FOXP1: variants seen among roughly 807,000 people sequenced by gnomAD.
FOXP1 encodes the protein forkhead box P1.
In FOXP1, 15 loss-of-function variants were observed where a neutral mutation model predicts 98.2. That is an observed-to-expected ratio of 0.15 (90% confidence interval 0.10 to 0.24). FOXP1 has a LOEUF of 0.24. FOXP1 is among the 10% of genes least tolerant of loss of function. The pLI is 1.00. For missense variants in FOXP1, 633 were observed against 848.5 expected, an observed-to-expected ratio of 0.75 and a Z score of 3.15; for synonymous variants, 371 against 314.5, an observed-to-expected ratio of 1.18 and a Z score of -1.90.
At chr3:71,019,572 G>C (rs928580113) in intron 11 of FOXP1, among the ~76,000 whole-genome samples, 1 of 152,158 alleles carries the variant, frequency 6.6e-6, no homozygotes, top group African/African-American at 2.4e-5. Flanking sequence ...GCTCACGCCT[G>C]TAATTCCAGC....
rs2076144820 is a variant in FOXP1 at position 71,329,328 on chromosome 3, T to G, written c.-72-29448A>C. Among the ~76,000 whole-genome samples, 3 of 152,020 alleles carry G rather than the reference T, an allele frequency of 2.0e-5. No homozygotes were observed. In the South Asian group the frequency reaches 6.2e-4, roughly 32 times the overall value. ...GCTCCGCCTCCTGGGTTCACACCAT[T>G]CTCCTGCCTCAGCCTTCCGAGTAGC... On this transcript the variant is annotated intron_variant, in intron 4 of 20. Transcript: ENST00000649528.
chr3:71,382,811 GA>G (rs2080278915), intron 3 of FOXP1, among the ~76,000 whole-genome samples: 1 of 152,232 alleles, frequency 6.6e-6, no homozygotes, highest in South Asian at 2.1e-4. Context: ...TTTAAATACT[GA>G]AAAACACCAG....
chr3:71,206,060 TAA>T (rs1336471931), intron 5 of FOXP1, among the ~76,000 whole-genome samples: 1 of 152,230 alleles, frequency 6.6e-6, no homozygotes, highest in Non-Finnish European at 1.5e-5. Flanking sequence ...ATTTGTTTAA[TAA>T]GAATAATAAA....
chr3:70,962,954 C>T (rs530137211), intron 20 of FOXP1, among the ~76,000 whole-genome samples: 15 of 152,284 alleles, frequency 9.9e-5, no homozygotes, highest in African/African-American at 2.4e-4. Flanking sequence ...GAGAATATTT[C>T]GTTTACCTAA....
intron 5 of FOXP1, among the ~76,000 whole-genome samples, chr3:71,200,215 T>G (rs1219652772): frequency 6.6e-6 from 1 of 151,772 alleles, no homozygotes; most frequent in Non-Finnish European, 1.5e-5. Context: ...TCAGAAAAGA[T>G]GTTCAAAGAT....
intron 2 of FOXP1, among the ~76,000 whole-genome samples, chr3:71,524,911 C>G (rs1400402749): frequency 6.6e-6 from 1 of 152,168 alleles, no homozygotes; most frequent in Non-Finnish European, 1.5e-5. Flanking sequence ...GTGCGGCCCA[C>G]TTGGGAGCAA....
chr3:71,460,681 T>G (rs2087994368), intron 3 of FOXP1, among the ~76,000 whole-genome samples: 1 of 152,160 alleles, frequency 6.6e-6, no homozygotes, highest in South Asian at 2.1e-4. Context: ...TCAGGCAATC[T>G]GCCTGCCTTG....
chr3:71,279,914 G>A (rs971251495), intron 5 of FOXP1, among the ~76,000 whole-genome samples: 1 of 151,962 alleles, frequency 6.6e-6, no homozygotes, highest in Non-Finnish European at 1.5e-5. Flanking sequence ...ACGAGGTCAG[G>A]AGATCGAGAC....
chr3:71,300,851 A>C (rs536540796), intron 4 of FOXP1, among the ~76,000 whole-genome samples: 1 of 152,220 alleles, frequency 6.6e-6, no homozygotes, highest in Non-Finnish European at 1.5e-5. Context: ...GAAGTGGTTT[A>C]ATTTTATAGG....
chr3:71,111,340 A>G (rs1223511157), intron 7 of FOXP1, among the ~76,000 whole-genome samples: 1 of 152,190 alleles, frequency 6.6e-6, no homozygotes, highest in African/African-American at 2.4e-5. Flanking sequence ...CCCTGATTCA[A>G]GTCTCTTTGA....
chr3:71,373,630 CATTA>C (rs2079502167), intron 3 of FOXP1, among the ~76,000 whole-genome samples: 1 of 152,316 alleles, frequency 6.6e-6, no homozygotes, highest in East Asian at 1.9e-4. Context: ...CTGGTTTGGA[CATTA>C]ATTTACTTCT....
intron 18 of FOXP1, chr3:70,972,306 G>GT (rs1166818407): frequency 2.1e-6 from 2 of 968,848 alleles, no homozygotes; most frequent in East Asian, 5.3e-5. Context: ...TAAGCAAATG[G>GT]TTTGTGAGGG....
chr3:71,237,207 G>A (rs372688786), intron 5 of FOXP1, among the ~76,000 whole-genome samples: 1 of 113,168 alleles, frequency 8.8e-6, no homozygotes, highest in Admixed American at 1.3e-4. Flanking sequence ...ACTCCAGCCT[G>A]GGCGACAGAG....
chr3:71,000,265 T>A (rs1008415230), intron 13 of FOXP1, among the ~76,000 whole-genome samples: 1 of 151,314 alleles, frequency 6.6e-6, no homozygotes, highest in Non-Finnish European at 1.5e-5. Context: ...ATAAAGCACA[T>A]TCAACATAGC....
chr3:71,063,731 T>C (rs1298532979), intron 7 of FOXP1, among the ~76,000 whole-genome samples: 1 of 152,232 alleles, frequency 6.6e-6, no homozygotes, highest in Admixed American at 6.5e-5. Context: ...CTGGAATCTA[T>C]GGAAATGAGG....
intron 3 of FOXP1, among the ~76,000 whole-genome samples, chr3:71,363,307 A>G (rs1396520560): frequency 1.3e-5 from 2 of 152,242 alleles, no homozygotes; most frequent in Non-Finnish European, 2.9e-5. Context: ...TCTACTCAAT[A>G]TTGTGTACAA....
At chr3:71,318,342 A>C (rs533541017) in intron 4 of FOXP1, among the ~76,000 whole-genome samples, 1 of 152,318 alleles carries the variant, frequency 6.6e-6, no homozygotes, top group Non-Finnish European at 1.5e-5. Flanking sequence ...TCTCTGCAAG[A>C]GATGCAGGCA....
chr3:71,428,718 G>C (rs1430564910), intron 3 of FOXP1, among the ~76,000 whole-genome samples: 2 of 152,228 alleles, frequency 1.3e-5, no homozygotes, highest in Non-Finnish European at 2.9e-5. Context: ...CAGGTCATGA[G>C]ATTCAAAGGA....
chr3:71,328,698 C>T (rs916888169), intron 4 of FOXP1, among the ~76,000 whole-genome samples: 4 of 152,018 alleles, frequency 2.6e-5, no homozygotes, highest in African/African-American at 4.8e-5. Context: ...GTTGGCTGGG[C>T]GCAGTGGCTC....
Sources: gnomAD v4.1 joint callset for allele counts (sites outside exome capture counted in the v4.1 genomes callset) on GRCh38, gnomAD v4.1.1 for gene constraint, MANE v1.5 for transcripts, NCBI Gene and HGNC (gene_info 2026-07-23, HGNC 2026-07-21) for gene names.